DACT1: variants seen among roughly 807,000 people sequenced by gnomAD.
The protein encoded by DACT1 is dapper homolog 1.
Under a neutral mutation model 35.3 loss-of-function variants are expected in DACT1, and 19 were observed. The ratio of observed to expected loss-of-function variants is 0.54; its 90% CI spans 0.38 to 0.79. DACT1 has a LOEUF of 0.79. Among genes scored for constraint, DACT1 ranks in the 30% least tolerant of loss-of-function variants. The pLI, the probability that DACT1 is intolerant of heterozygous loss-of-function variation, is 0.00. For missense variants in DACT1, 1,143 were observed against 1,057.5 expected (o/e 1.08, Z -1.12); for synonymous variants, 545 against 466.7 (o/e 1.17, Z -2.16).
chr14:58,645,184 T>C, intron 3 of DACT1, 185 bp from the exon 4 acceptor site: 1 of 1,203,604 alleles, frequency 8.3e-7, no homozygotes. Flanking sequence ...GGATTTTTCA[T>C]AAAAATTGGC....
rs2047702294 is a variant in DACT1, at chr14:58,647,267, A to G, written c.*133A>G. The G allele has an allele frequency of 9.1e-7, 1 of 1,094,444 alleles. No homozygotes were observed. Among genetic ancestry groups the G allele is most frequent in the South Asian group, 1.6e-5 (1 of 63,614 alleles). The allele number at this position is 1,094,444 out of a possible 1,614,324, so 67.8% of individuals were successfully genotyped here. On this transcript the variant is annotated 3_prime_UTR_variant, in exon 4 of 4. Transcript: ENST00000395153. ...TTTTAAAAAAATATAAAACCAAGGT[A>G]AATTATTGTTTCATCTTCACGTATG... is the stretch of plus-strand genomic sequence containing the variant.
At position 58,647,055 on chromosome 14, in the gene DACT1, A is replaced by G. The variant is rs753821085; in HGVS notation, c.2321A>G (p.Lys774Arg). ...LHNHPAKTFV[K>R]IKASHNLKKK... ...AACCACCCCGCAAAAACCTTTGTCAAAATTAAGGCCTCACATAACCTCAAG... is the reference window on the plus strand; with the variant it reads ...AACCACCCCGCAAAAACCTTTGTCAGAATTAAGGCCTCACATAACCTCAAG... Residue 774 changes from lysine (K) to arginine (R), a missense_variant, in exon 4 of 4, where the codon AAA (lysine) becomes AGA (arginine). Around this residue, in one of 3 missense-constraint regions of DACT1, gnomAD observed 1,054 missense variants for 958.8 expected, o/e 1.10. Coordinates refer to ENST00000395153, the MANE Select transcript of DACT1 (RefSeq NM_001079520.2). 3 of 1,614,166 alleles carry G rather than the reference A, an allele frequency of 1.9e-6. No homozygotes were observed. The highest frequency in any genetic ancestry group is 2.5e-6 in the Non-Finnish European group (3 of 1,180,028).
Position 58,646,570 on chromosome 14 carries a change from G to T in DACT1, c.1836G>T (p.Gly612=). Residue 612 remains glycine, a synonymous_variant, in exon 4 of 4, where the codon GGG becomes GGT. Transcript: ENST00000395153. ...GTGTTCCCGGCAGGCCCGCGGGCGG[G>T]GGCCACAGGGCGGGGAGCAGGGCGC... is the stretch of plus-strand genomic sequence containing the variant. ...EAGVPGRPAG[G]GHRAGSRAHG... is the part of the protein sequence containing the mutation. The T allele has an allele frequency of 6.4e-7, 1 of 1,566,092 alleles. No individual in the cohort carries two copies. Among genetic ancestry groups the T allele is most frequent in the Non-Finnish European group, 8.6e-7 (1 of 1,157,310 alleles).
intron 1 of DACT1, 167 bp downstream of exon 1, chr14:58,638,714 G>A: frequency 1.7e-6 from 2 of 1,181,024 alleles, no homozygotes; most frequent in Non-Finnish European, 1.1e-6. Context: ...GAGTGCCCGC[G>A]GCGTGTGGGC....
At chr14:58,639,181 CTG>C in intron 1 of DACT1, 2 of 985,416 alleles carry the variant, frequency 2.0e-6, no homozygotes, top group South Asian at 4.7e-5. Context: ...TGGCTGGAGA[CTG>C]TGTCCCCTCC....
At position 58,638,075 on chromosome 14, in the gene DACT1, C is replaced by T. The variant is rs78043365; in HGVS notation, c.-128C>T. 7 of 1,028,628 alleles carry T rather than the reference C, an allele frequency of 6.8e-6. No individual in the cohort carries two copies. Among genetic ancestry groups the T allele is most frequent in the Non-Finnish European group, 8.6e-6 (7 of 814,794 alleles). 63.7% of individuals were successfully genotyped at this position (1,028,628 alleles called of 1,614,324 possible). A position where few individuals can be genotyped will look rare whatever the true frequency, so the allele number is the denominator to read the frequency against. On this transcript the variant is annotated 5_prime_UTR_variant, in exon 1 of 4. Transcript: ENST00000395153. ...GCAGGACTCGAGGGCTTCTAGCCAC[C>T]GTCCCCGCCAGCGCCGCGCCCCGCC...
chr14:58,646,013 G>A lies in DACT1; in HGVS notation c.1279G>A (p.Ala427Thr). 1.9e-6 allele frequency: 3 copies of A among 1,614,094 alleles called. No individual in the cohort carries two copies. Among genetic ancestry groups the A allele is most frequent in the Non-Finnish European group, 2.5e-6 (3 of 1,180,032 alleles). ...KTAKPASQEH[A>T]RCSAIGTGES... ...GGCCAAGCCAGCCTCGCAAGAACAT[G>A]CTCGGTGTTCCGCCATTGGGACAGG... The change falls in exon 4 of 4, where the codon GCT becomes ACT. Residue 427 changes from alanine to threonine, a missense_variant. Ala to Thr is a moderately conservative substitution (Grantham distance 58). Transcript: ENST00000395153.
At chr14:58,644,172 C>G (rs2047652021) in intron 3 of DACT1, among the ~76,000 whole-genome samples, 1 of 152,056 alleles carries the variant, frequency 6.6e-6, no homozygotes, top group African/African-American at 2.4e-5. Context: ...GATCAAAATC[C>G]TTTAAGACAG....
At chr14:58,641,318 T>TGAAA (rs2140214160) in intron 2 of DACT1, among the ~76,000 whole-genome samples, 1 of 152,224 alleles carries the variant, frequency 6.6e-6, no homozygotes, top group East Asian at 1.9e-4. Context: ...GTTTCTTTCC[T>TGAAA]TGGACATGTT....
At position 58,646,327 on chromosome 14, in the gene DACT1, G is replaced by A. The variant is rs2047681339; in HGVS notation, c.1593G>A (p.Arg531=). 1 of 1,609,582 alleles carries A rather than the reference G, an allele frequency of 6.2e-7. No homozygotes were observed. Among genetic ancestry groups the A allele is most frequent in the Non-Finnish European group, 8.5e-7 (1 of 1,178,934 alleles). ...QFIPGQQPSV[R]LHRGHRNMGV... is the part of the protein sequence containing the mutation. ...TCCCGGGGCAGCAGCCCAGTGTCAG[G>A]CTCCACCGGGGCCACAGGAACATGG... The change falls in exon 4 of 4, where the codon AGG becomes AGA. Residue 531 remains arginine (R), a synonymous_variant. Transcript: ENST00000395153.
chr14:58,637,719 G>A (rs1407656794), upstream of DACT1, among the ~76,000 whole-genome samples: 1 of 151,416 alleles, frequency 6.6e-6, no homozygotes, highest in African/African-American at 2.4e-5. Context: ...AAAATCGGGT[G>A]CAGTAAACCC....
chr14:58,645,172 A>G, intron 3 of DACT1, 197 bp from the exon 4 acceptor site: 1 of 1,031,576 alleles, frequency 9.7e-7, no homozygotes. Context: ...CTTTTTACCC[A>G]TGGATTTTTC....
intron 3 of DACT1, among the ~76,000 whole-genome samples, chr14:58,644,788 T>G (rs1453239261): frequency 6.6e-6 from 1 of 152,148 alleles, no homozygotes; most frequent in Non-Finnish European, 1.5e-5. Context: ...AAAAAATGTT[T>G]CCCAGTTGTA....
At chr14:58,644,635 GAC>G in intron 3 of DACT1, among the ~76,000 whole-genome samples, 1 of 152,216 alleles carries the variant, frequency 6.6e-6, no homozygotes, top group South Asian at 2.1e-4. Flanking sequence ...CCTTTCAATT[GAC>G]AGTTATATTT....
Position 58,645,489 on chromosome 14 carries a change from G to A in DACT1, c.755G>A (p.Gly252Asp). 1 of 1,614,208 alleles carries A rather than the reference G, an allele frequency of 6.2e-7. No individual in the cohort carries two copies. The highest frequency in any genetic ancestry group is 8.5e-7 in the Non-Finnish European group (1 of 1,180,050). ...CCAATGTTTCTCCTTTGTCTGACGGGCAACCCTCTGAGGGAAGAGGACAGG... is the reference window on the plus strand; with the variant it reads ...CCAATGTTTCTCCTTTGTCTGACGGACAACCCTCTGAGGGAAGAGGACAGG... ...QSPMFLLCLT[G>D]NPLREEDRLG... The change falls in exon 4 of 4, where the codon GGC (glycine) becomes GAC (aspartate). Residue 252 changes from glycine to aspartate, a missense_variant. By Grantham distance (94) the Gly-to-Asp change is moderately conservative (BLOSUM62 -1). Transcript: ENST00000395153.
At chr14:58,642,643 G>A (rs1339447065) in intron 3 of DACT1, among the ~76,000 whole-genome samples, 2 of 152,178 alleles carry the variant, frequency 1.3e-5, no homozygotes, top group Admixed American at 6.5e-5. Flanking sequence ...GCAGTGAGCC[G>A]AGATTGTGCC....
chr14:58,637,608 C>T (rs1295997569), upstream of DACT1, among the ~76,000 whole-genome samples: 1 of 152,234 alleles, frequency 6.6e-6, no homozygotes, highest in Non-Finnish European at 1.5e-5. Flanking sequence ...CGCGTCCCGT[C>T]GCGGCCCCTG....
upstream of DACT1, among the ~76,000 whole-genome samples, chr14:58,636,043 A>C (rs1473491430): frequency 6.6e-6 from 1 of 152,254 alleles, no homozygotes; most frequent in African/African-American, 2.4e-5. Context: ...TGGCAACAGC[A>C]GGCATAAAGA....
intron 1 of DACT1, 70 bp downstream of exon 1, chr14:58,638,617 G>A: frequency 7.9e-7 from 1 of 1,273,084 alleles, no homozygotes; most frequent in Non-Finnish European, 9.9e-7. Context: ...GGTGGCCTGG[G>A]GCGGGCGCGA....
Sources: allele counts gnomAD v4.1 joint callset (sites outside exome capture counted in the v4.1 genomes callset), GRCh38; gene constraint gnomAD v4.1.1; regional missense constraint gnomAD v4.1.1; transcripts MANE v1.5; gene names NCBI Gene and HGNC (gene_info 2026-07-23, HGNC 2026-07-21).